ATXN10: variants seen among roughly 807,000 people sequenced by gnomAD.
ATXN10 encodes ataxin-10.
In ATXN10, 28 loss-of-function variants were observed where a neutral mutation model predicts 52.9. That is an observed-to-expected ratio of 0.53 (90% CI 0.39 to 0.73). The LOEUF (loss-of-function observed/expected upper bound fraction) is 0.73. ATXN10 is among the 30% of genes least tolerant of loss of function. The probability of loss-of-function intolerance (pLI) is 0.00; values close to 1 mark genes in which losing one functional copy is unlikely to be tolerated. For synonymous variants in ATXN10, 226 were observed against 221.5 expected (o/e 1.02, Z -0.18); for missense variants, 565 against 577.0 (o/e 0.98, Z 0.21).
At position 45,793,680 on chromosome 22, in the gene ATXN10, A is replaced by AT. The variant is rs1569067011; in HGVS notation, c.1174-13279_1174-13278insT. 1.0e-5 allele frequency: 15 copies of AT among 1,460,506 alleles called. No homozygotes were observed. The East Asian group carries it at 3.7e-4, about 36-fold the overall frequency. 90.5% of individuals were successfully genotyped at this position (1,460,506 alleles called of 1,614,324 possible). A position where few individuals can be genotyped will look rare whatever the true frequency, so the allele number is the denominator to read the frequency against. On this transcript the variant is annotated intron_variant, in intron 9 of 11. Transcript: ENST00000252934. ...GCAGGTGCCACAGCATCTCAAGAGA[A>AT]GTCACCAATCACACAGCTCCATGCT... is the stretch of plus-strand genomic sequence containing the variant.
chr22:45,833,830 G>C lies in ATXN10; in HGVS notation c.1238-9161G>C, dbSNP rs1367486220. 6.6e-6 allele frequency among the ~76,000 whole-genome samples: 1 copy of C among 152,158 alleles called. No individual in the cohort carries two copies. Among genetic ancestry groups the C allele is most frequent in the Non-Finnish European group, 1.5e-5 (1 of 68,026 alleles). The stretch of plus-strand genomic sequence containing the variant: ...TGCCCTCCAGAGGTCTCTCTGGATG[G>C]ACTGGTCGCGAGAGCACACTTAGCA... On this transcript the variant is annotated intron_variant, in intron 10 of 11. Transcript: ENST00000252934. The surrounding 1 kb of genome is among the most constrained non-coding windows in gnomAD (Gnocchi z 4.3).
At chr22:45,778,184 G>T (rs1381992708) in intron 9 of ATXN10, among the ~76,000 whole-genome samples, 1 of 152,188 alleles carries the variant, frequency 6.6e-6, no homozygotes, top group Non-Finnish European at 1.5e-5. Context: ...AATCCCAGCT[G>T]TGTTATGCAA....
In ATXN10 at chr22:45,681,557, T is replaced by TCCTCTGCCTCCTCTCTAAATGTA. The variant is rs1922923108; in HGVS notation, c.117-8154_117-8153insCTCTGCCTCCTCTCTAAATGTAC. Among the ~76,000 whole-genome samples the TCCTCTGCCTCCTCTCTAAATGTA allele has an allele frequency of 1.3e-5, 2 of 152,200 alleles. No individual in the cohort carries two copies. Among genetic ancestry groups the TCCTCTGCCTCCTCTCTAAATGTA allele is most frequent in the Non-Finnish European group, 2.9e-5 (2 of 68,036 alleles). The stretch of plus-strand genomic sequence containing the variant: ...TAAGAGCATTTTTTAATGTACATCC[T>TCCTCTGCCTCCTCTCTAAATGTA]CAACTCCACTGCCTCCTCTCTAAAC... On this transcript the variant is annotated intron_variant, in intron 1 of 11. Coordinates refer to ENST00000252934, the MANE Select transcript of ATXN10 (RefSeq NM_013236.4). This position sits in a 1 kb window ranked among gnomAD's most constrained non-coding sequence, Gnocchi z 4.2.
intron 7 of ATXN10, among the ~76,000 whole-genome samples, chr22:45,737,954 C>T (rs1045991259): frequency 1.3e-5 from 2 of 152,056 alleles, no homozygotes; most frequent in African/African-American, 4.8e-5. Flanking sequence ...CTTCTGGCCT[C>T]GGCCTCCCAA....
chr22:45,756,019 C>T (rs995667957), intron 9 of ATXN10, among the ~76,000 whole-genome samples: 1 of 152,002 alleles, frequency 6.6e-6, no homozygotes, highest in African/African-American at 2.4e-5. Context: ...CCTCCTTCTG[C>T]CATGTTTGGC....
chr22:45,727,929 A>G lies in ATXN10; in HGVS notation c.729-1496A>G, dbSNP rs918593473. ...CTGCTTGCTTTCGGTTTCCATTTGC[A>G]TGAAATATCTTTTTCCACCCCCTTT... On this transcript the variant is annotated intron_variant, in intron 6 of 11. Coordinates refer to ENST00000252934, the MANE Select transcript of ATXN10 (RefSeq NM_013236.4). This position sits in a 1 kb window ranked among gnomAD's most constrained non-coding sequence, Gnocchi z 4.6. Among the ~76,000 whole-genome samples the G allele has an allele frequency of 1.3e-5, 2 of 151,808 alleles. No individual in the cohort carries two copies. The highest frequency in any genetic ancestry group is 2.9e-5 in the Non-Finnish European group (2 of 67,986).
chr22:45,837,329 G>A lies in ATXN10; in HGVS notation c.1238-5662G>A, dbSNP rs550385655. ...GGCTGCAGTGCAGTGGCGCAATCTCGGCTCACTGCAGCCTCTGCCTCCCGG... is the reference window on the plus strand; with the variant it reads ...GGCTGCAGTGCAGTGGCGCAATCTCAGCTCACTGCAGCCTCTGCCTCCCGG... On this transcript the variant is annotated intron_variant, in intron 10 of 11. Transcript: ENST00000252934. The surrounding 1 kb of genome is among the most constrained non-coding windows in gnomAD (Gnocchi z 5.8). Among the ~76,000 whole-genome samples, 12 of 152,162 alleles carry A rather than the reference G, an allele frequency of 7.9e-5. No individual in the cohort carries two copies. Among genetic ancestry groups the A allele is most frequent in the Admixed American group, 4.6e-4 (7 of 15,290 alleles).
chr22:45,829,912 A>G (rs1171843163), intron 10 of ATXN10, among the ~76,000 whole-genome samples: 1 of 152,232 alleles, frequency 6.6e-6, no homozygotes, highest in Non-Finnish European at 1.5e-5. Context: ...TTGAATAGCC[A>G]AAACAATGTA....
At chr22:45,756,660 T>G (rs1926183616) in intron 9 of ATXN10, among the ~76,000 whole-genome samples, 1 of 152,202 alleles carries the variant, frequency 6.6e-6, no homozygotes, top group Non-Finnish European at 1.5e-5. Context: ...CAGAGTTTAC[T>G]GTGGGGTGGG....
rs1205117103 is a variant in ATXN10 at position 45,795,149 on chromosome 22, A to G, written c.1174-11810A>G. On this transcript the variant is annotated intron_variant, in intron 9 of 11. Transcript: ENST00000252934. The surrounding 1 kb of genome is among the most constrained non-coding windows in gnomAD (Gnocchi z 4.6). ...TAAACTCCAGTGCAACCACTTTTAG[A>G]AAAAGAGAGAGACAGTTAACAAGCC... is the stretch of plus-strand genomic sequence containing the variant. 6.6e-6 allele frequency among the ~76,000 whole-genome samples: 1 copy of G among 152,198 alleles called. No homozygotes were observed. Among genetic ancestry groups the G allele is most frequent in the African/African-American group, 2.4e-5 (1 of 41,446 alleles).
chr22:45,713,116 T>C (rs559312722), intron 5 of ATXN10, among the ~76,000 whole-genome samples: 13 of 152,268 alleles, frequency 8.5e-5, no homozygotes, highest in African/African-American at 2.9e-4. Context: ...CCCCCGTCTT[T>C]AGGACTGTCT....
intron 6 of ATXN10, among the ~76,000 whole-genome samples, chr22:45,726,681 G>C (rs915790693): frequency 6.6e-6 from 1 of 151,876 alleles, no homozygotes; most frequent in Non-Finnish European, 1.5e-5. Context: ...TCTTTTGCTA[G>C]CTTTGGGTTT....
At chr22:45,710,782 CT>C (rs2146764358) in intron 5 of ATXN10, among the ~76,000 whole-genome samples, 1 of 152,322 alleles carries the variant, frequency 6.6e-6, no homozygotes, top group South Asian at 2.1e-4. Flanking sequence ...GCCTGCAAAG[CT>C]TAAAGTATTT....
At chr22:45,753,019 C>T (rs2146819249) in intron 9 of ATXN10, among the ~76,000 whole-genome samples, 1 of 152,296 alleles carries the variant, frequency 6.6e-6, no homozygotes, top group East Asian at 1.9e-4. Context: ...CAGGCGTAAG[C>T]TACCGTGCCC....
chr22:45,760,942 G>A (rs1601629775), intron 9 of ATXN10, among the ~76,000 whole-genome samples: 1 of 152,148 alleles, frequency 6.6e-6, no homozygotes, highest in East Asian at 1.9e-4. Context: ...TGGTTGGAGG[G>A]TGGTGATAAG....
At chr22:45,694,001 G>A (rs966194160) in intron 3 of ATXN10, among the ~76,000 whole-genome samples, 1 of 152,124 alleles carries the variant, frequency 6.6e-6, no homozygotes, top group African/African-American at 2.4e-5. Context: ...CAGGTTTTGG[G>A]TGTGATTCAA....
At chr22:45,804,835 T>A (rs1270979865) in intron 9 of ATXN10, among the ~76,000 whole-genome samples, 3 of 152,240 alleles carry the variant, frequency 2.0e-5, no homozygotes, top group Non-Finnish European at 4.4e-5. Flanking sequence ...TTCTTTACCC[T>A]GTGGATAACC....
chr22:45,748,073 G>A (rs964779263), intron 9 of ATXN10, among the ~76,000 whole-genome samples: 2 of 152,098 alleles, frequency 1.3e-5, no homozygotes, highest in African/African-American at 4.8e-5. Context: ...CAGGTGCTTG[G>A]GGGGCTGAGG....
At position 45,818,242 on chromosome 22, in the gene ATXN10, A is replaced by G. The variant is rs1259115129; in HGVS notation, c.1237+11220A>G. ...ACACTGGGAGTTTTACAGTGTACGGATTGGCAGACAGCCTGGCTTCTTTCC... is the reference window on the plus strand; with the variant it reads ...ACACTGGGAGTTTTACAGTGTACGGGTTGGCAGACAGCCTGGCTTCTTTCC... On this transcript the variant is annotated intron_variant, in intron 10 of 11. Coordinates refer to ENST00000252934, the MANE Select transcript of ATXN10 (RefSeq NM_013236.4). The surrounding 1 kb of genome is among the most constrained non-coding windows in gnomAD (Gnocchi z 4.6). Among the ~76,000 whole-genome samples, 2 of 152,158 alleles carry G rather than the reference A, an allele frequency of 1.3e-5. No homozygotes were observed. The highest frequency in any genetic ancestry group is 2.9e-5 in the Non-Finnish European group (2 of 68,034).
Sources: allele counts gnomAD v4.1 joint callset (sites outside exome capture counted in the v4.1 genomes callset), GRCh38; gene constraint gnomAD v4.1.1; non-coding constraint Gnocchi (gnomAD v3.1); transcripts MANE v1.5; gene names NCBI Gene and HGNC (gene_info 2026-07-23, HGNC 2026-07-21).